The following BABAM2 variants were observed in gnomAD, a reference collection of about 807,000 sequenced individuals.
The protein encoded by BABAM2 is BRISC and BRCA1 A complex member 2, also known as BRISC and BRCA1-A complex member 2.
In BABAM2, 31 loss-of-function variants were observed where a neutral mutation model predicts 54.7. That is an observed-to-expected ratio of 0.57 (90% CI 0.43 to 0.77). The LOEUF (loss-of-function observed/expected upper bound fraction) is 0.77. Among genes scored for constraint, BABAM2 ranks in the 30% least tolerant of loss-of-function variants. BABAM2 has a pLI of 0.00. For synonymous variants in BABAM2, 167 were observed against 162.9 expected (o/e 1.03, Z -0.19); for missense variants, 364 against 455.8 (o/e 0.80, Z 1.83).
chr2:27,965,547 C>T (rs899412374), intron 3 of BABAM2, among the ~76,000 whole-genome samples: 3 of 152,052 alleles, frequency 2.0e-5, no homozygotes, highest in Non-Finnish European at 4.4e-5. Context: ...AAGCTATGGA[C>T]TCTCTTTGTA....
intron 7 of BABAM2, among the ~76,000 whole-genome samples, chr2:28,183,864 T>C (rs1675941583): frequency 1.3e-5 from 2 of 152,156 alleles, no homozygotes; most frequent in African/African-American, 4.8e-5. Flanking sequence ...TGTTTATGTT[T>C]GTGTATGTGC....
chr2:27,890,518 C>G, upstream of BABAM2: 1 of 620,426 alleles, frequency 1.6e-6, no homozygotes, highest in Non-Finnish European at 2.9e-6. The surrounding 1 kb of genome is among the most constrained non-coding windows in gnomAD (Gnocchi z 4.8). Flanking sequence ...CCCTCTTCTT[C>G]CTGGAATAGT....
At chr2:28,174,727 G>A (rs956954060) in intron 7 of BABAM2, among the ~76,000 whole-genome samples, 8 of 152,146 alleles carry the variant, frequency 5.3e-5, no homozygotes, top group Non-Finnish European at 1.2e-4. Context: ...TCCAAGGAGG[G>A]AACTCACACT....
intron 7 of BABAM2, among the ~76,000 whole-genome samples, chr2:28,228,103 A>G (rs1253500156): frequency 6.6e-6 from 1 of 152,238 alleles, no homozygotes; most frequent in African/African-American, 2.4e-5. Flanking sequence ...TAAAAACTCA[A>G]GCAAGGAGCA....
intron 11 of BABAM2, among the ~76,000 whole-genome samples, chr2:28,307,206 C>T (rs1159836989): frequency 6.8e-6 from 1 of 148,146 alleles, no homozygotes; most frequent in Admixed American, 6.8e-5. Context: ...GGGGTTTTGC[C>T]ATATTGGCCA....
chr2:28,097,720 C>G (rs1017552723), intron 6 of BABAM2, among the ~76,000 whole-genome samples: 1 of 152,162 alleles, frequency 6.6e-6, no homozygotes, highest in Non-Finnish European at 1.5e-5. Context: ...ATAAAGTTCT[C>G]TCTCTTCCAC....
intron 10 of BABAM2, among the ~76,000 whole-genome samples, chr2:28,253,779 C>T (rs1683712933): frequency 6.6e-6 from 1 of 152,156 alleles, no homozygotes; most frequent in African/African-American, 2.4e-5. Context: ...GAGACTATCT[C>T]ATCTCTCAGG....
chr2:27,978,958 A>G (rs1371605680), intron 3 of BABAM2, among the ~76,000 whole-genome samples: 6 of 152,140 alleles, frequency 3.9e-5, no homozygotes, highest in Non-Finnish European at 7.4e-5. Context: ...ATATTGCTGC[A>G]AAGGACATGA....
rs530646629 is a variant in BABAM2 at position 28,231,457 on chromosome 2, A to G, written c.681-5745A>G. Among the ~76,000 whole-genome samples, 6 of 152,314 alleles carry G rather than the reference A, an allele frequency of 3.9e-5. No homozygotes were observed. In the South Asian group the frequency reaches 8.3e-4, roughly 21 times the overall value. On this transcript the variant is annotated intron_variant, in intron 7 of 11. Transcript: ENST00000379624. The stretch of plus-strand genomic sequence containing the variant: ...TTGAATTGGATTGAAGGCAGCACAC[A>G]TTGCTTTAGGATTTCTCTTAGCTTG...
At chr2:28,301,716 C>T (rs573254099) in intron 11 of BABAM2, among the ~76,000 whole-genome samples, 6 of 152,298 alleles carry the variant, frequency 3.9e-5, no homozygotes, top group Admixed American at 1.3e-4. Flanking sequence ...GCCAGCAGCT[C>T]TCTCCCCTCC....
At chr2:28,074,206 G>A (rs751922264) in intron 6 of BABAM2, among the ~76,000 whole-genome samples, 3 of 152,124 alleles carry the variant, frequency 2.0e-5, no homozygotes, top group African/African-American at 4.8e-5. Flanking sequence ...GAATTTATTT[G>A]TGACAAATAG....
intron 7 of BABAM2, among the ~76,000 whole-genome samples, chr2:28,229,542 G>A (rs1011717726): frequency 1.3e-5 from 2 of 151,828 alleles, no homozygotes; most frequent in African/African-American, 2.4e-5. Context: ...CCTCATCAGA[G>A]AACAGCTGAT....
intron 6 of BABAM2, among the ~76,000 whole-genome samples, chr2:28,119,457 A>G (rs1668880604): frequency 1.3e-5 from 2 of 152,168 alleles, no homozygotes; most frequent in African/African-American, 2.4e-5. Context: ...ATGTGTGACT[A>G]TTCAAAAGCT....
intron 2 of BABAM2, 106 bp from the exon 3 acceptor site, chr2:27,929,726 C>A: frequency 2.0e-6 from 2 of 991,028 alleles, no homozygotes; most frequent in Non-Finnish European, 3.0e-6. Flanking sequence ...GTGTTTTAAT[C>A]TGTTTTGTAT....
intron 11 of BABAM2, among the ~76,000 whole-genome samples, chr2:28,319,081 A>G (rs1689806503): frequency 6.6e-6 from 1 of 152,194 alleles, no homozygotes; most frequent in Admixed American, 6.5e-5. Flanking sequence ...TAAAAATGCA[A>G]ATTAGGAAGG....
At chr2:28,224,849 G>GAAAAAAAAA (rs1406843262) in intron 7 of BABAM2, among the ~76,000 whole-genome samples, 1 of 60,368 alleles carries the variant, frequency 1.7e-5, no homozygotes, top group African/African-American at 5.8e-5. Context: ...ACGGTAAATT[G>GAAAAAAAAA]ACAAAAAAAA....
chr2:27,991,712 A>G (rs1409643546), intron 4 of BABAM2, among the ~76,000 whole-genome samples: 2 of 152,168 alleles, frequency 1.3e-5, no homozygotes, highest in African/African-American at 4.8e-5. Context: ...TGAAGCATGT[A>G]TTACTGTTTT....
intron 7 of BABAM2, among the ~76,000 whole-genome samples, chr2:28,143,817 T>C (rs139767979): frequency 0.013 from 2,018 of 152,324 alleles, 29 homozygotes; most frequent in South Asian, 0.05. Flanking sequence ...TCGTTGCCAC[T>C]GTTGCCCCCA....
At chr2:28,277,699 G>A (rs1181699466) in intron 10 of BABAM2, among the ~76,000 whole-genome samples, 1 of 152,178 alleles carries the variant, frequency 6.6e-6, no homozygotes, top group Admixed American at 6.5e-5. Context: ...TACCAAGAGC[G>A]TTCGGGCATG....
Sources: gnomAD v4.1 joint callset for allele counts (sites outside exome capture counted in the v4.1 genomes callset) on GRCh38, gnomAD v4.1.1 for gene constraint, Gnocchi (gnomAD v3.1) non-coding constraint, MANE v1.5 for transcripts, NCBI Gene and HGNC (gene_info 2026-07-23, HGNC 2026-07-21) for gene names.